PTPRD: variants seen among roughly 807,000 people sequenced by gnomAD.
PTPRD encodes the protein receptor-type tyrosine-protein phosphatase delta.
PTPRD carries 34 observed loss-of-function variants against 214.5 expected under a neutral mutation model. The ratio of observed to expected loss-of-function variants is 0.16; its 90% CI spans 0.12 to 0.21. The LOEUF is 0.21. Ranked by LOEUF, PTPRD falls within the 10% of genes least tolerant of loss-of-function variation. The pLI is 1.00. For missense variants in PTPRD, 2,545 were observed against 2,398.7 expected, an observed-to-expected ratio of 1.06 and a Z score of -1.27; for synonymous variants, 1,128 against 845.7, an observed-to-expected ratio of 1.33 and a Z score of -5.79.
At chr9:9,991,188 C>T (rs1312257309) in intron 4 of PTPRD, among the ~76,000 whole-genome samples, 2 of 152,000 alleles carry the variant, frequency 1.3e-5, no homozygotes, top group African/African-American at 4.8e-5. Context: ...TCTGCTTCGG[C>T]CTCCCAAAGT....
chr9:8,622,030 T>C (rs912517032), intron 14 of PTPRD, among the ~76,000 whole-genome samples: 14 of 151,942 alleles, frequency 9.2e-5, no homozygotes, highest in African/African-American at 3.4e-4. Context: ...AGAAGATGTT[T>C]TAAGACATTT....
At chr9:10,160,085 A>G (rs2099118395) in intron 3 of PTPRD, among the ~76,000 whole-genome samples, 3 of 152,040 alleles carry the variant, frequency 2.0e-5, no homozygotes, top group Admixed American at 6.6e-5. Context: ...ATTTAATGCC[A>G]AAAAGAAACC....
chr9:8,468,656 A>T (rs2134704881), intron 31 of PTPRD, among the ~76,000 whole-genome samples: 1 of 152,046 alleles, frequency 6.6e-6, no homozygotes, highest in South Asian at 2.1e-4. Context: ...CTATTCAATG[A>T]TATGGTTCCA....
intron 7 of PTPRD, among the ~76,000 whole-genome samples, chr9:9,634,010 T>A (rs551786525): frequency 1.8e-3 from 274 of 152,274 alleles, no homozygotes; most frequent in African/African-American, 6.1e-3. Context: ...TGAATATAAA[T>A]CTTTATGATA....
intron 11 of PTPRD, among the ~76,000 whole-genome samples, chr9:8,920,673 TG>T (rs1162519165): frequency 6.6e-6 from 1 of 152,188 alleles, no homozygotes; most frequent in Non-Finnish European, 1.5e-5. Flanking sequence ...CCTAGACCAA[TG>T]GGCTGCGGCC....
chr9:10,316,625 T>G (rs1281538006), intron 3 of PTPRD, among the ~76,000 whole-genome samples: 2 of 152,010 alleles, frequency 1.3e-5, no homozygotes, highest in Admixed American at 1.3e-4. Context: ...AGCTTTATAG[T>G]GAATCAACAC....
chr9:10,045,293 C>T (rs1019181678), intron 3 of PTPRD, among the ~76,000 whole-genome samples: 3 of 151,554 alleles, frequency 2.0e-5, no homozygotes, highest in Non-Finnish European at 4.4e-5. Flanking sequence ...TAGCAAAACA[C>T]TTAAAATGGG....
chr9:9,609,028 T>A (rs563870909), intron 7 of PTPRD, among the ~76,000 whole-genome samples: 6 of 152,192 alleles, frequency 3.9e-5, no homozygotes, highest in Non-Finnish European at 8.8e-5. Context: ...TCAAAATGTA[T>A]TATGTATTGA....
chr9:9,057,268 T>C (rs1378943972), intron 10 of PTPRD, among the ~76,000 whole-genome samples: 2 of 152,204 alleles, frequency 1.3e-5, no homozygotes, highest in Non-Finnish European at 2.9e-5. Context: ...CTATTCTTTC[T>C]AGGGACTGTC....
chr9:9,541,763 A>G (rs2077632659), intron 8 of PTPRD, among the ~76,000 whole-genome samples: 1 of 151,844 alleles, frequency 6.6e-6, no homozygotes, highest in South Asian at 2.1e-4. Context: ...AGGCACGCAG[A>G]GAATATTTCC....
At chr9:9,550,777 A>G (rs2080014267) in intron 8 of PTPRD, among the ~76,000 whole-genome samples, 1 of 151,850 alleles carries the variant, frequency 6.6e-6, no homozygotes, top group Admixed American at 6.6e-5. Context: ...AAAAAATAGC[A>G]AAGGAGCAAA....
intron 3 of PTPRD, among the ~76,000 whole-genome samples, chr9:10,111,468 G>A (rs958191874): frequency 1.3e-5 from 2 of 151,020 alleles, no homozygotes; most frequent in Non-Finnish European, 3.0e-5. Flanking sequence ...TCGATCTCCT[G>A]ACCTCGTGAT....
At chr9:8,574,570 G>A (rs1007981077) in intron 14 of PTPRD, among the ~76,000 whole-genome samples, 12 of 151,926 alleles carry the variant, frequency 7.9e-5, no homozygotes, top group Admixed American at 7.2e-4. Flanking sequence ...TCAAATATTT[G>A]GTGGTACATA....
intron 10 of PTPRD, among the ~76,000 whole-genome samples, chr9:9,088,280 A>C (rs2099770309): frequency 1.3e-5 from 2 of 151,276 alleles, no homozygotes; most frequent in Non-Finnish European, 1.5e-5. Flanking sequence ...GGAAGGGACA[A>C]TCTTGAACTA....
At chr9:9,365,646 T>A (rs868769260) in intron 9 of PTPRD, among the ~76,000 whole-genome samples, 47 of 151,576 alleles carry the variant, frequency 3.1e-4, no homozygotes, top group African/African-American at 1.0e-3. Context: ...TGTCTATGTT[T>A]TTTCAAAGCA....
At chr9:9,998,559 CAA>C (rs71321213) in intron 4 of PTPRD, among the ~76,000 whole-genome samples, 43 of 149,144 alleles carry the variant, frequency 2.9e-4, no homozygotes, top group Non-Finnish European at 2.5e-4. Flanking sequence ...CTCTACTAGT[CAA>C]AAAAAAAAAA....
intron 35 of PTPRD, among the ~76,000 whole-genome samples, chr9:8,405,685 G>T (rs1564583763): frequency 1.3e-5 from 2 of 152,040 alleles, no homozygotes; most frequent in Non-Finnish European, 2.9e-5. Context: ...ACACAAACAT[G>T]ATTTTAAACG....
chr9:9,431,709 G>A (rs1569568271), intron 8 of PTPRD, among the ~76,000 whole-genome samples: 2 of 151,948 alleles, frequency 1.3e-5, no homozygotes, highest in African/African-American at 4.8e-5. Flanking sequence ...ATACACCATG[G>A]AATACTATGC....
At chr9:8,431,727 A>T (rs2095065788) in intron 35 of PTPRD, among the ~76,000 whole-genome samples, 1 of 152,216 alleles carries the variant, frequency 6.6e-6, no homozygotes. Context: ...TTTAAAATGC[A>T]GATTTGTGGA....
Sources: gnomAD v4.1 joint callset for allele counts (sites outside exome capture counted in the v4.1 genomes callset) on GRCh38, gnomAD v4.1.1 for gene constraint, MANE v1.5 for transcripts, NCBI Gene and HGNC (gene_info 2026-07-23, HGNC 2026-07-21) for gene names.